The following SLC6A11 variants were observed in gnomAD, a reference collection of about 807,000 sequenced individuals.
SLC6A11 encodes sodium- and chloride-dependent GABA transporter 3.
Under a neutral mutation model 74.8 loss-of-function variants are expected in SLC6A11, and 25 were observed. The observed-to-expected ratio is 0.33, with a 90% CI of 0.24 to 0.47. The LOEUF (loss-of-function observed/expected upper bound fraction) is 0.47, where lower values mean the gene tolerates loss of function less well. SLC6A11 is among the 20% of genes least tolerant of loss of function. The pLI is 1.00. For missense variants in SLC6A11, 574 were observed against 837.0 expected, an observed-to-expected ratio of 0.69 and a Z score of 3.88; for synonymous variants, 330 against 330.2, an observed-to-expected ratio of 1.00 and a Z score of 0.01.
chr3:10,835,628 A>G (rs1694356986), intron 4 of SLC6A11, among the ~76,000 whole-genome samples: 1 of 152,224 alleles, frequency 6.6e-6, no homozygotes, highest in South Asian at 2.1e-4. Context: ...CAGCGCAGGC[A>G]TTAAACTTGG....
chr3:10,916,010 C>A (rs1159595261), intron 7 of SLC6A11, among the ~76,000 whole-genome samples: 1 of 152,184 alleles, frequency 6.6e-6, no homozygotes, highest in Non-Finnish European at 1.5e-5. Flanking sequence ...TAGTCCACGG[C>A]TGGCATACTG....
At chr3:10,842,876 A>G (rs1002008093) in intron 4 of SLC6A11, among the ~76,000 whole-genome samples, 5 of 151,904 alleles carry the variant, frequency 3.3e-5, no homozygotes, top group Non-Finnish European at 5.9e-5. Flanking sequence ...GGCTGGAGGG[A>G]GCCTGTAGAT....
At chr3:10,898,580 A>G (rs1695199616) in intron 6 of SLC6A11, among the ~76,000 whole-genome samples, 1 of 152,234 alleles carries the variant, frequency 6.6e-6, no homozygotes, top group African/African-American at 2.4e-5. Context: ...CGTTTGCTCC[A>G]GTTTCCAGCA....
At chr3:10,842,772 T>C (rs1435755468) in intron 4 of SLC6A11, among the ~76,000 whole-genome samples, 1 of 152,198 alleles carries the variant, frequency 6.6e-6, no homozygotes, top group Non-Finnish European at 1.5e-5. Context: ...CTCCTGGCTA[T>C]GGGTGTGAGA....
chr3:10,914,076 T>G (rs1272015757), intron 7 of SLC6A11, among the ~76,000 whole-genome samples: 2 of 152,232 alleles, frequency 1.3e-5, no homozygotes, highest in African/African-American at 4.8e-5. Context: ...GCCATACCCC[T>G]GCTGGTGGGA....
intron 4 of SLC6A11, among the ~76,000 whole-genome samples, chr3:10,829,046 A>C (rs1472328444): frequency 6.6e-6 from 1 of 152,190 alleles, no homozygotes; most frequent in Non-Finnish European, 1.5e-5. Context: ...TGGAAATGAT[A>C]ACACCCACCT....
At chr3:10,892,166 C>T (rs1695114559) in intron 6 of SLC6A11, among the ~76,000 whole-genome samples, 1 of 152,260 alleles carries the variant, frequency 6.6e-6, no homozygotes, top group Non-Finnish European at 1.5e-5. Flanking sequence ...GATTGTGACA[C>T]TTGATGTCCT....
chr3:10,910,805 T>G (rs1023380014), intron 6 of SLC6A11, among the ~76,000 whole-genome samples: 1 of 148,708 alleles, frequency 6.7e-6, no homozygotes, highest in East Asian at 2.0e-4. Context: ...ACCTACCACA[T>G]AGGGTTGCTG....
At chr3:10,914,960 G>A (rs1459511317) in intron 7 of SLC6A11, among the ~76,000 whole-genome samples, 7 of 152,160 alleles carry the variant, frequency 4.6e-5, no homozygotes, top group Non-Finnish European at 1.0e-4. Flanking sequence ...TGGGCTGGAT[G>A]TTCTTGTTGT....
chr3:10,895,684 A>T (rs561483893), intron 6 of SLC6A11, among the ~76,000 whole-genome samples: 2 of 152,280 alleles, frequency 1.3e-5, no homozygotes, highest in Non-Finnish European at 2.9e-5. Flanking sequence ...AGGTGCAGCA[A>T]ACTGTCATGG....
chr3:10,912,339 G>A (rs1310672758), intron 7 of SLC6A11, 146 bp downstream of exon 7: 3 of 629,018 alleles, frequency 4.8e-6, no homozygotes, highest in East Asian at 2.7e-5. Context: ...CTACCGAAGG[G>A]TCAAAGAGTG....
chr3:10,834,706 C>G (rs865887165), intron 4 of SLC6A11, among the ~76,000 whole-genome samples: 1 of 152,162 alleles, frequency 6.6e-6, no homozygotes, highest in African/African-American at 2.4e-5. Flanking sequence ...GGGGGAGAAG[C>G]GCCAGAGCTG....
intron 5 of SLC6A11, among the ~76,000 whole-genome samples, chr3:10,873,003 A>C (rs558797755): frequency 2.0e-5 from 3 of 152,160 alleles, no homozygotes; most frequent in African/African-American, 7.2e-5. Flanking sequence ...GGACAGAACC[A>C]AGTGATTGGA....
intron 4 of SLC6A11, among the ~76,000 whole-genome samples, chr3:10,829,349 G>A (rs1322854186): frequency 6.6e-6 from 1 of 152,332 alleles, no homozygotes; most frequent in East Asian, 1.9e-4. Flanking sequence ...CATCTCTACA[G>A]GTACAGAGTC....
In SLC6A11 at chr3:10,926,573, A is replaced by T. The variant is rs1300904098; in HGVS notation, c.1233+457A>T. Among the ~76,000 whole-genome samples, 2 of 151,686 alleles carry T rather than the reference A, an allele frequency of 1.3e-5. No individual in the cohort carries two copies. The highest frequency in any genetic ancestry group is 1.5e-5 in the Non-Finnish European group (1 of 67,918). On this transcript the variant is annotated intron_variant, in intron 9 of 13. Coordinates refer to ENST00000254488, the MANE Select transcript of SLC6A11 (RefSeq NM_014229.3). The surrounding 1 kb of genome is among the most constrained non-coding windows in gnomAD (Gnocchi z 5.7). ...ATAGAAAAGCACCTCCTCTTCCTCC[A>T]TCTCTGTCCTGGATGCCACCACCAG...
At position 10,848,234 on chromosome 3, in the gene SLC6A11, T is replaced by A. The variant is rs772113965; in HGVS notation, c.756+3888T>A. On this transcript the variant is annotated intron_variant, in intron 5 of 13. Coordinates refer to ENST00000254488, the MANE Select transcript of SLC6A11 (RefSeq NM_014229.3). ...CTTTCATCAGTAGACCTGGCCTGCA[T>A]CTGCCATGTGGGGACTATGGCGATT... Among the ~76,000 whole-genome samples, 11 of 152,228 alleles carry A rather than the reference T, an allele frequency of 7.2e-5. 1 individual carries two copies. Among genetic ancestry groups the A allele is most frequent in the Non-Finnish European group, 1.5e-5 (1 of 68,032 alleles).
Position 10,848,974 on chromosome 3 carries a change from T to C in SLC6A11, c.756+4628T>C, listed in dbSNP as rs182025727. Among the ~76,000 whole-genome samples, 542 of 152,336 alleles carry C rather than the reference T, an allele frequency of 3.6e-3. 5 individuals are homozygous for C. Among genetic ancestry groups the C allele is most frequent in the African/African-American group, 0.013 (527 of 41,574 alleles). Reference sequence around the variant, plus strand: ...GCCTTCCTTCAGCCCAGTCTTCATCTGTTCTGTATCTCCAGCTTGGAGTTA... The same window carrying C: ...GCCTTCCTTCAGCCCAGTCTTCATCCGTTCTGTATCTCCAGCTTGGAGTTA... On this transcript the variant is annotated intron_variant, in intron 5 of 13. Transcript: ENST00000254488.
intron 8 of SLC6A11, among the ~76,000 whole-genome samples, chr3:10,921,962 A>T (rs1042152137): frequency 1.3e-5 from 2 of 152,224 alleles, no homozygotes; most frequent in Non-Finnish European, 2.9e-5. Context: ...GAAAGCAGAG[A>T]TTTGTTATAT....
At chr3:10,836,717 G>A (rs574725505) in intron 4 of SLC6A11, among the ~76,000 whole-genome samples, 50 of 152,318 alleles carry the variant, frequency 3.3e-4, no homozygotes, top group African/African-American at 8.4e-4. Flanking sequence ...AGGAAGTCTA[G>A]GGTTCAGTAT....
Sources: gnomAD v4.1 joint callset for allele counts (sites outside exome capture counted in the v4.1 genomes callset) on GRCh38, gnomAD v4.1.1 for gene constraint, Gnocchi (gnomAD v3.1) non-coding constraint, MANE v1.5 for transcripts, NCBI Gene and HGNC (gene_info 2026-07-23, HGNC 2026-07-21) for gene names.